The following APMAP variants were observed in gnomAD, a reference collection of about 807,000 sequenced individuals.
APMAP encodes adipocyte plasma membrane-associated protein.
Under a neutral mutation model 43.6 loss-of-function variants are expected in APMAP, and 33 were observed. The ratio of observed to expected loss-of-function variants is 0.76; its 90% CI spans 0.57 to 1.01. The LOEUF (loss-of-function observed/expected upper bound fraction) is 1.01. Ranked by LOEUF, APMAP falls within the 50% of genes least tolerant of loss-of-function variation. The pLI, the probability that APMAP is intolerant of heterozygous loss-of-function variation, is 0.00. For missense variants in APMAP, 498 were observed against 540.7 expected (o/e 0.92, Z 0.78); for synonymous variants, 224 against 216.7 (o/e 1.03, Z -0.30).
chr20:24,979,950 T>C (rs1294485827), intron 2 of APMAP, among the ~76,000 whole-genome samples: 1 of 152,134 alleles, frequency 6.6e-6, no homozygotes, highest in East Asian at 1.9e-4. Flanking sequence ...GGAGGCCCAC[T>C]CTGACCACCC....
At chr20:24,967,803 C>T (rs2087958827) in intron 8 of APMAP, among the ~76,000 whole-genome samples, 1 of 152,210 alleles carries the variant, frequency 6.6e-6, no homozygotes, top group Admixed American at 6.5e-5. Context: ...GCCATTTTGC[C>T]TCCCCCTAGG....
At chr20:24,988,083 G>T (rs543727557) in intron 1 of APMAP, among the ~76,000 whole-genome samples, 3 of 152,198 alleles carry the variant, frequency 2.0e-5, no homozygotes, top group Non-Finnish European at 4.4e-5. Flanking sequence ...GTCCAACAGG[G>T]ACTGCCTGCC....
chr20:24,969,579 A>T lies in APMAP; in HGVS notation c.795T>A (p.Ser265=). 6 of 1,614,054 alleles carry T rather than the reference A, an allele frequency of 3.7e-6. No individual in the cohort carries two copies. Among genetic ancestry groups the T allele is most frequent in the Non-Finnish European group, 4.2e-6 (5 of 1,179,942 alleles). Residue 265 remains serine, a synonymous_variant, in exon 7 of 9, where the codon TCT becomes TCA. Transcript: ENST00000217456. The stretch of plus-strand genomic sequence containing the variant: ...CCACCAGGACAAAGTCTTCTGCAGG[A>T]GACAGCTGGACTCCATTCGGGAACC... ...QLRFPNGVQL[S]PAEDFVLVAE...
chr20:24,992,313 G>A (rs139424011), intron 1 of APMAP, among the ~76,000 whole-genome samples: 1 of 152,334 alleles, frequency 6.6e-6, no homozygotes, highest in East Asian at 1.9e-4. Flanking sequence ...GGAAGGCAAA[G>A]GAGCGGCGCG....
chr20:24,969,001 C>T lies in APMAP; in HGVS notation c.932G>A (p.Ser311Asn). 1 of 1,614,018 alleles carries T rather than the reference C, an allele frequency of 6.2e-7. No homozygotes were observed. The highest frequency in any genetic ancestry group is 1.1e-5 in the South Asian group (1 of 91,064). Residue 311 changes from serine to asparagine, a missense_variant, in exon 8 of 9, where the codon AGC (serine) becomes AAC (asparagine). Ser to Asn is a conservative substitution (Grantham distance 46). Coordinates refer to ENST00000217456, the MANE Select transcript of APMAP (RefSeq NM_020531.3). ...MPGFPDNIRPSSSGGYWVGMS... is the reference protein window; with the variant it reads ...MPGFPDNIRPNSSGGYWVGMS... ...GCCCACCCAGTACCCCCCAGAGCTG[C>T]TGGGCCGGATGTTGTCTGGAAATCC... is the stretch of plus-strand genomic sequence containing the variant.
At chr20:24,979,640 C>T (rs867470414) in intron 2 of APMAP, among the ~76,000 whole-genome samples, 2 of 152,184 alleles carry the variant, frequency 1.3e-5, no homozygotes, top group South Asian at 4.1e-4. Context: ...TCTCGCCTCG[C>T]CCCTGCTCCC....
Position 24,963,730 on chromosome 20 carries a change from GTCCACA to G in APMAP, c.*77_*82del. ...ATGTGGACACTTGAACCACGACTGTGTCCACAGCTCCTCCTGGACCAGGCCTGGTGC... is the reference window on the plus strand; with the variant it reads ...ATGTGGACACTTGAACCACGACTGTGGCTCCTCCTGGACCAGGCCTGGTGC... On this transcript the variant is annotated 3_prime_UTR_variant, in exon 9 of 9. Coordinates refer to ENST00000217456, the MANE Select transcript of APMAP (RefSeq NM_020531.3). 3.6e-6 allele frequency: 5 copies of G among 1,403,682 alleles called. No individual in the cohort carries two copies. Among genetic ancestry groups the G allele is most frequent in the Non-Finnish European group, 5.0e-6 (5 of 1,005,282 alleles). The allele number at this position is 1,403,682 out of a possible 1,614,324, so 87.0% of individuals were successfully genotyped here. A position where few individuals can be genotyped will look rare whatever the true frequency, so the allele number is the denominator to read the frequency against.
chr20:24,988,373 C>G (rs147263157), intron 1 of APMAP, among the ~76,000 whole-genome samples: 1 of 152,202 alleles, frequency 6.6e-6, no homozygotes, highest in East Asian at 1.9e-4. Context: ...CATTTAAATA[C>G]CTGGTTGCCC....
Position 24,973,726 on chromosome 20 carries a change from T to C in APMAP, c.340A>G (p.Thr114Ala), listed in dbSNP as rs2088026361. The C allele has an allele frequency of 6.2e-7, 1 of 1,614,066 alleles. No homozygotes were observed. Among genetic ancestry groups the C allele is most frequent in the Non-Finnish European group, 8.5e-7 (1 of 1,179,914 alleles). Residue 114 changes from threonine (T) to alanine (A), a missense_variant, in exon 4 of 9, where the codon ACT (threonine) becomes GCT (alanine). By Grantham distance (58) the Thr-to-Ala change is moderately conservative (BLOSUM62 0). Coordinates refer to ENST00000217456, the MANE Select transcript of APMAP (RefSeq NM_020531.3). ...SIAHIGDVMF[T>A]GTADGRVVKL... Reference sequence around the variant, plus strand: ...ACGACCCGGCCATCTGCTGTCCCAGTAAACATCACATCTGTTTAAAAACAC... The same window carrying C: ...ACGACCCGGCCATCTGCTGTCCCAGCAAACATCACATCTGTTTAAAAACAC...
chr20:24,968,367 G>C (rs946354700), intron 8 of APMAP, among the ~76,000 whole-genome samples: 12 of 152,218 alleles, frequency 7.9e-5, no homozygotes, highest in Non-Finnish European at 1.3e-4. Context: ...ATAGAGAAGA[G>C]TGCCTGGCAG....
intron 5 of APMAP, 116 bp downstream of exon 5, chr20:24,971,344 G>T: frequency 1.1e-6 from 1 of 942,368 alleles, no homozygotes; most frequent in Non-Finnish European, 1.6e-6. Context: ...CAGTGAATAA[G>T]AAATATCAGA....
intron 1 of APMAP, among the ~76,000 whole-genome samples, chr20:24,990,559 C>T (rs1019641214): frequency 2.6e-5 from 4 of 152,186 alleles, no homozygotes; most frequent in Admixed American, 1.3e-4. Context: ...TTCAAGGCTT[C>T]CTTTATTCTA....
At chr20:24,977,716 C>T (rs1464033534) in intron 3 of APMAP, among the ~76,000 whole-genome samples, 3 of 152,216 alleles carry the variant, frequency 2.0e-5, no homozygotes, top group African/African-American at 7.2e-5. Flanking sequence ...GAGGTAAGAT[C>T]ATTGGTTTGC....
rs530316514 is a variant in APMAP, at chr20:24,966,481, A to C, written c.1041+2411T>G. 2.6e-5 allele frequency among the ~76,000 whole-genome samples: 4 copies of C among 152,188 alleles called. No homozygotes were observed. In the South Asian group the frequency reaches 8.3e-4, roughly 32 times the overall value. On this transcript the variant is annotated intron_variant, in intron 8 of 8. Transcript: ENST00000217456. Reference sequence around the variant, plus strand: ...AAGTTGCCACCACCCCAACAGAGCAAACTGGTATCGCGCCCTCATGACAGC... The same window carrying C: ...AAGTTGCCACCACCCCAACAGAGCACACTGGTATCGCGCCCTCATGACAGC...
At chr20:24,980,672 G>A (rs1359821569) in intron 2 of APMAP, among the ~76,000 whole-genome samples, 2 of 150,116 alleles carry the variant, frequency 1.3e-5, no homozygotes, top group African/African-American at 2.5e-5. Context: ...TACCAGCTTC[G>A]CTCAGCCTCT....
intron 1 of APMAP, among the ~76,000 whole-genome samples, chr20:24,984,401 C>A (rs2088131200): frequency 6.6e-6 from 1 of 152,136 alleles, no homozygotes; most frequent in South Asian, 2.1e-4. Flanking sequence ...GTGGGTAATT[C>A]TCAAAAGCTA....
chr20:24,988,112 A>G (rs1306297423), intron 1 of APMAP, among the ~76,000 whole-genome samples: 1 of 152,232 alleles, frequency 6.6e-6, no homozygotes, highest in African/African-American at 2.4e-5. Context: ...AGCTGATGCC[A>G]TCACCCACCC....
chr20:24,964,716 G>A (rs959077485), intron 8 of APMAP, among the ~76,000 whole-genome samples: 8 of 152,124 alleles, frequency 5.3e-5, no homozygotes, highest in African/African-American at 1.2e-4. Flanking sequence ...ACACCTGGTC[G>A]GAAATTATGA....
intron 2 of APMAP, among the ~76,000 whole-genome samples, chr20:24,980,877 C>T (rs542773370): frequency 6.6e-6 from 1 of 152,246 alleles, no homozygotes. Flanking sequence ...ATCACCTCTA[C>T]ACGCCAGGCA....
Sources: allele counts gnomAD v4.1 joint callset (sites outside exome capture counted in the v4.1 genomes callset), GRCh38; gene constraint gnomAD v4.1.1; transcripts MANE v1.5; gene names NCBI Gene and HGNC (gene_info 2026-07-23, HGNC 2026-07-21).